FRMPD4: variants seen among roughly 807,000 people sequenced by gnomAD.
FRMPD4 encodes FERM and PDZ domain containing 4, also known as FERM and PDZ domain-containing protein 4.
In FRMPD4, 22 loss-of-function variants were observed where a neutral mutation model predicts 94.1. That is an observed-to-expected ratio of 0.23 (90% CI 0.17 to 0.33). FRMPD4 has a LOEUF of 0.33. Ranked by LOEUF, FRMPD4 falls within the 10% of genes least tolerant of loss-of-function variation. FRMPD4 has a pLI of 1.00. For synonymous variants in FRMPD4, 631 were observed against 548.6 expected (o/e 1.15, Z -2.10); for missense variants, 1,111 against 1,339.9 (o/e 0.83, Z 2.67).
At chrX:12,542,713 T>C (rs1289491203) in intron 2 of FRMPD4, among the ~76,000 whole-genome samples, 1 of 111,911 alleles carries the variant, frequency 8.9e-6, no homozygotes, top group Non-Finnish European at 1.9e-5. Context: ...CCAATGACTT[T>C]CTTCACAGAA....
chrX:11,918,365 G>A (rs1055898302), intron 3 of FRMPD4, among the ~76,000 whole-genome samples: 4 of 112,554 alleles, frequency 3.6e-5, no homozygotes, highest in African/African-American at 1.3e-4. Flanking sequence ...AGCACTTTGG[G>A]AGGCCAAGGC....
At chrX:12,411,088 A>C (rs1285398314) in intron 1 of FRMPD4, among the ~76,000 whole-genome samples, 1 of 111,621 alleles carries the variant, frequency 9.0e-6, no homozygotes, top group Non-Finnish European at 1.9e-5. Flanking sequence ...CAACTGTGCC[A>C]TCAAAAACAT....
intron 9 of FRMPD4, among the ~76,000 whole-genome samples, chrX:12,696,835 G>C (rs1259028130): frequency 8.9e-6 from 1 of 112,135 alleles, no homozygotes; most frequent in African/African-American, 3.2e-5. Flanking sequence ...GAAGATGGAA[G>C]AGAGACTAGA....
chrX:11,988,449 A>T (rs1601872095), intron 3 of FRMPD4, among the ~76,000 whole-genome samples: 1 of 112,360 alleles, frequency 8.9e-6, no homozygotes, highest in African/African-American at 3.2e-5. Flanking sequence ...AAAATGGATT[A>T]AAGACTTAAA....
chrX:12,408,049 C>T (rs2056687819), intron 1 of FRMPD4, among the ~76,000 whole-genome samples: 1 of 108,468 alleles, frequency 9.2e-6, no homozygotes, highest in Non-Finnish European at 1.9e-5. Context: ...TAGAAAGAGA[C>T]ATTTAATAGG....
chrX:12,590,807 A>G (rs2058975421), intron 2 of FRMPD4, among the ~76,000 whole-genome samples: 1 of 111,691 alleles, frequency 9.0e-6, no homozygotes, highest in African/African-American at 3.3e-5. Context: ...TAAAGCTCCA[A>G]TTTAGGTATG....
intron 11 of FRMPD4, 35 bp downstream of exon 11, chrX:12,704,520 G>T: frequency 9.9e-7 from 1 of 1,005,033 alleles, no homozygotes; most frequent in Non-Finnish European, 1.4e-6. Context: ...AAATTATAAA[G>T]AGAGAGGCTT....
rs761310300 is a variant in FRMPD4 at position 12,561,761 on chromosome X, ATTAG to A, written c.159-47955_159-47952del. Among the ~76,000 whole-genome samples the A allele has an allele frequency of 3.5e-4, 39 of 112,316 alleles. 1 individual carries two copies. The South Asian group carries it at 0.014, about 40-fold the overall frequency. ...GTCAACAATCTTATGGCATAGTTTT[ATTAG>A]TTAGGAGTCTCCTGGTTGCAAGTGA... On this transcript the variant is annotated intron_variant, in intron 2 of 16. Transcript: ENST00000675598.
chrX:12,095,442 C>G (rs2055191071), intron 3 of FRMPD4, among the ~76,000 whole-genome samples: 1 of 110,834 alleles, frequency 9.0e-6, no homozygotes, highest in Non-Finnish European at 1.9e-5. Context: ...ATCTCAGCAT[C>G]CATTAAATAA....
intron 1 of FRMPD4, among the ~76,000 whole-genome samples, chrX:12,242,069 C>T (rs1347043536): frequency 1.8e-5 from 2 of 111,721 alleles, no homozygotes; most frequent in East Asian, 2.8e-4. Flanking sequence ...TTCCTCTAAA[C>T]TTTCCAGTAG....
chrX:11,860,924 T>G (rs1400050530), intron 1 of FRMPD4, among the ~76,000 whole-genome samples: 2 of 112,114 alleles, frequency 1.8e-5, no homozygotes, highest in Non-Finnish European at 3.8e-5. Context: ...TACAAGGTTC[T>G]CTATTCACAT....
At chrX:12,008,271 C>T (rs2054564115) in intron 3 of FRMPD4, among the ~76,000 whole-genome samples, 1 of 111,568 alleles carries the variant, frequency 9.0e-6, no homozygotes, top group South Asian at 3.8e-4. Flanking sequence ...GCCAGAGTCA[C>T]GTGGGCATGG....
chrX:12,261,531 C>T (rs778493379), intron 1 of FRMPD4, among the ~76,000 whole-genome samples: 14 of 111,675 alleles, frequency 1.3e-4, no homozygotes, highest in Non-Finnish European at 2.4e-4. Flanking sequence ...GACTGCCAAA[C>T]ATTATTTTGG....
intron 1 of FRMPD4, among the ~76,000 whole-genome samples, chrX:12,213,869 T>C (rs1032120657): frequency 1.8e-5 from 2 of 112,445 alleles, no homozygotes; most frequent in African/African-American, 3.2e-5. Flanking sequence ...GTTTCATTTA[T>C]TCTTAAAATT....
intron 1 of FRMPD4, among the ~76,000 whole-genome samples, chrX:11,857,282 G>A (rs1040242360): frequency 1.9e-4 from 21 of 111,588 alleles, no homozygotes; most frequent in Middle Eastern, 4.6e-3. Flanking sequence ...AAAGCTGGAA[G>A]CATCATGCTA....
chrX:12,038,943 T>A (rs1012219847), intron 3 of FRMPD4, among the ~76,000 whole-genome samples: 1 of 110,403 alleles, frequency 9.1e-6, no homozygotes, highest in African/African-American at 3.3e-5. Flanking sequence ...TCCTTCCTGT[T>A]TGCTTTGTCT....
At chrX:12,085,753 C>T (rs2055103661) in intron 3 of FRMPD4, among the ~76,000 whole-genome samples, 1 of 109,751 alleles carries the variant, frequency 9.1e-6, no homozygotes, top group African/African-American at 3.3e-5. Context: ...CCTGTAGTCC[C>T]AGCTATTTGG....
intron 1 of FRMPD4, among the ~76,000 whole-genome samples, chrX:12,178,120 A>C (rs1035450231): frequency 1.8e-5 from 2 of 111,080 alleles, no homozygotes; most frequent in Non-Finnish European, 3.8e-5. Context: ...ACTTTTATAA[A>C]AGAGGCCTAA....
chrX:12,012,231 T>A (rs1354504547), intron 3 of FRMPD4, among the ~76,000 whole-genome samples: 1 of 111,666 alleles, frequency 9.0e-6, no homozygotes, highest in Non-Finnish European at 1.9e-5. Context: ...TCTTGCCTAA[T>A]TGCCCTGGCT....
Sources: allele counts gnomAD v4.1 joint callset (sites outside exome capture counted in the v4.1 genomes callset), GRCh38; gene constraint gnomAD v4.1.1; transcripts MANE v1.5; gene names NCBI Gene and HGNC (gene_info 2026-07-23, HGNC 2026-07-21).